Variants in NEGR1 observed in about 807,000 individuals in gnomAD.
NEGR1 encodes the protein IgLON family member 4.
Under a neutral mutation model 40.9 loss-of-function variants are expected in NEGR1, and 10 were observed. The observed-to-expected ratio is 0.24, with a 90% CI of 0.15 to 0.42. NEGR1 has a LOEUF of 0.42. Ranked by LOEUF, NEGR1 falls within the 10% of genes least tolerant of loss-of-function variation. The pLI is 1.00. For missense variants in NEGR1, 352 were observed against 438.9 expected, an observed-to-expected ratio of 0.80 and a Z score of 1.77; for synonymous variants, 185 against 166.8, an observed-to-expected ratio of 1.11 and a Z score of -0.84.
intron 1 of NEGR1, among the ~76,000 whole-genome samples, chr1:72,087,803 C>T (rs550728049): frequency 6.7e-6 from 1 of 148,314 alleles, no homozygotes; most frequent in South Asian, 2.2e-4. Flanking sequence ...ACTATGTTGC[C>T]CAGGCTGGTT....
At chr1:71,545,938 C>T (rs924632042) in intron 6 of NEGR1, among the ~76,000 whole-genome samples, 6 of 151,644 alleles carry the variant, frequency 4.0e-5, no homozygotes, top group African/African-American at 1.2e-4. Context: ...TATATGATAT[C>T]CATGATGTAA....
intron 1 of NEGR1, among the ~76,000 whole-genome samples, chr1:72,068,419 C>T (rs1647332670): frequency 6.6e-6 from 1 of 152,146 alleles, no homozygotes; most frequent in South Asian, 2.1e-4. Flanking sequence ...TAGCCCCTAG[C>T]TCTGGATGAC....
intron 1 of NEGR1, among the ~76,000 whole-genome samples, chr1:72,255,781 C>T (rs1053878093): frequency 3.3e-5 from 5 of 152,106 alleles, no homozygotes; most frequent in Admixed American, 2.6e-4. Context: ...TATCTCCTGA[C>T]CTCGTGATCC....
chr1:72,171,912 T>C (rs1041664499), intron 1 of NEGR1, among the ~76,000 whole-genome samples: 6 of 152,224 alleles, frequency 3.9e-5, no homozygotes, highest in Admixed American at 6.5e-5. Flanking sequence ...ACAGTTGTTA[T>C]GTTTGGGAAC....
At chr1:72,229,139 G>C (rs1397246214) in intron 1 of NEGR1, among the ~76,000 whole-genome samples, 1 of 151,894 alleles carries the variant, frequency 6.6e-6, no homozygotes, top group Non-Finnish European at 1.5e-5. Flanking sequence ...CAATTTTACA[G>C]TATTAGAAAC....
intron 2 of NEGR1, among the ~76,000 whole-genome samples, chr1:71,872,033 C>T (rs1660293440): frequency 6.6e-6 from 1 of 152,144 alleles, no homozygotes; most frequent in South Asian, 2.1e-4. Context: ...AAATTTAGTA[C>T]TCTGGCCAGC....
rs1352879684 is a variant in NEGR1, at chr1:72,281,385, G to T, written c.176+934C>A. 2.6e-5 allele frequency among the ~76,000 whole-genome samples: 4 copies of T among 152,088 alleles called. No homozygotes were observed. The East Asian group carries it at 7.7e-4, about 29-fold the overall frequency. On this transcript the variant is annotated intron_variant, in intron 1 of 6. Transcript: ENST00000357731. ...ATGTGGAAGTGGTTCTTACAGCATG[G>T]AAGTGCCAGTGCATGTGAGGATGTG...
chr1:71,496,970 G>A (rs1399716382), intron 6 of NEGR1, among the ~76,000 whole-genome samples: 3 of 152,158 alleles, frequency 2.0e-5, no homozygotes, highest in African/African-American at 7.2e-5. Context: ...AATGCGTTAG[G>A]TTTTGATGTG....
At chr1:72,149,756 AC>A (rs1238328268) in intron 1 of NEGR1, among the ~76,000 whole-genome samples, 1 of 151,250 alleles carries the variant, frequency 6.6e-6, no homozygotes, top group Non-Finnish European at 1.5e-5. Context: ...GTGGCACATG[AC>A]TGTAACGCCA....
At chr1:72,030,250 C>T (rs982194572) in intron 1 of NEGR1, among the ~76,000 whole-genome samples, 1 of 151,488 alleles carries the variant, frequency 6.6e-6, no homozygotes, top group Non-Finnish European at 1.5e-5. Context: ...GCTGCAGTGC[C>T]GTGGTGCAAT....
In NEGR1 at chr1:71,435,814, C is replaced by T. The variant is rs143239653; in HGVS notation, c.941-28244G>A. 5.6e-3 allele frequency among the ~76,000 whole-genome samples: 849 copies of T among 152,252 alleles called. 6 individuals carry two copies. The highest frequency in any genetic ancestry group is 0.019 in the African/African-American group (809 of 41,550). On this transcript the variant is annotated intron_variant, in intron 6 of 6. Coordinates refer to ENST00000357731, the MANE Select transcript of NEGR1 (RefSeq NM_173808.3). ...GCTTTGTCCCTGAAGTCAGGAAGTACCTTGCCCATAAGGAACTACTTTTTA... is the reference window on the plus strand; with the variant it reads ...GCTTTGTCCCTGAAGTCAGGAAGTATCTTGCCCATAAGGAACTACTTTTTA...
At chr1:71,799,151 CG>C (rs1657454796) in intron 2 of NEGR1, among the ~76,000 whole-genome samples, 1 of 151,816 alleles carries the variant, frequency 6.6e-6, no homozygotes, top group African/African-American at 2.4e-5. Flanking sequence ...CCCATCAACC[CG>C]TCATCTACAT....
At chr1:71,719,987 A>G (rs1027287162) in intron 3 of NEGR1, among the ~76,000 whole-genome samples, 3 of 152,188 alleles carry the variant, frequency 2.0e-5, no homozygotes, top group Non-Finnish European at 4.4e-5. Flanking sequence ...GCCATTATGA[A>G]AAAGAAACAT....
chr1:71,745,695 C>G (rs2101681238), intron 3 of NEGR1, among the ~76,000 whole-genome samples: 1 of 152,264 alleles, frequency 6.6e-6, no homozygotes, highest in South Asian at 2.1e-4. Context: ...AAAGCAGCCC[C>G]TCAGAAGCAA....
At chr1:72,114,320 C>A (rs1569987575) in intron 1 of NEGR1, among the ~76,000 whole-genome samples, 1 of 151,586 alleles carries the variant, frequency 6.6e-6, no homozygotes. Context: ...CTGCCCAGCC[C>A]AAGCAAGAAG....
chr1:71,610,950 C>A, intron 5 of NEGR1, 76 bp downstream of exon 5: 2 of 1,480,742 alleles, frequency 1.4e-6, no homozygotes, highest in East Asian at 2.3e-5. Flanking sequence ...AAAGAAATTG[C>A]CTAAAGTAAG....
chr1:71,647,957 A>C (rs1408764968), intron 4 of NEGR1, among the ~76,000 whole-genome samples: 1 of 152,006 alleles, frequency 6.6e-6, no homozygotes, highest in African/African-American at 2.4e-5. Context: ...ACAAAAGCAT[A>C]AACAGTAAGG....
chr1:72,265,366 T>C (rs1309164893), intron 1 of NEGR1, among the ~76,000 whole-genome samples: 1 of 151,010 alleles, frequency 6.6e-6, no homozygotes, highest in Non-Finnish European at 1.5e-5. Context: ...CTATTAATCT[T>C]TGAGTACATC....
chr1:71,579,729 A>G (rs56017177), intron 6 of NEGR1, among the ~76,000 whole-genome samples: 8,654 of 152,056 alleles, frequency 0.057, 364 homozygotes, highest in African/African-American at 0.11. Context: ...AAAGATAACA[A>G]TGGATTTGGA....
Sources: allele counts gnomAD v4.1 joint callset (sites outside exome capture counted in the v4.1 genomes callset), GRCh38; gene constraint gnomAD v4.1.1; transcripts MANE v1.5; gene names NCBI Gene and HGNC (gene_info 2026-07-23, HGNC 2026-07-21).